Variants in SIPA1L2 observed in about 807,000 individuals in gnomAD.
The protein encoded by SIPA1L2 is signal induced proliferation associated 1 like 2, also known as signal-induced proliferation-associated 1-like protein 2.
Under a neutral mutation model 163.9 loss-of-function variants are expected in SIPA1L2, and 56 were observed. That is an observed-to-expected ratio of 0.34 (90% CI 0.28 to 0.43). The LOEUF (loss-of-function observed/expected upper bound fraction) is 0.43. Ranked by LOEUF, SIPA1L2 falls within the 20% of genes least tolerant of loss-of-function variation. SIPA1L2 has a pLI of 1.00. For missense variants in SIPA1L2, 1,974 were observed against 2,193.5 expected, an observed-to-expected ratio of 0.90 and a Z score of 2.00; for synonymous variants, 877 against 865.7, an observed-to-expected ratio of 1.01 and a Z score of -0.23.
intron 10 of SIPA1L2, among the ~76,000 whole-genome samples, chr1:232,450,029 TAA>T (rs1246683569): frequency 1.3e-5 from 2 of 151,948 alleles, no homozygotes; most frequent in African/African-American, 4.8e-5. Flanking sequence ...ATGGTAGCGT[TAA>T]TAGAGTAGAG....
chr1:232,445,340 C>T lies in SIPA1L2; in HGVS notation c.3353+189G>A, dbSNP rs527772519. Among the ~76,000 whole-genome samples, 8 of 152,272 alleles carry T rather than the reference C, an allele frequency of 5.3e-5. No individual in the cohort carries two copies. In the South Asian group the frequency reaches 1.7e-3, roughly 32 times the overall value. The stretch of plus-strand genomic sequence containing the variant: ...GGCAGAACCTGCATTTTACCAGCAC[C>T]ATCTTGGGGCCAGGAGAGTGCCCGA... On this transcript the variant is annotated intron_variant, in intron 11 of 22. Transcript: ENST00000674635.
chr1:232,581,557 CCTTT>C (rs1168512934), intron 1 of SIPA1L2, among the ~76,000 whole-genome samples: 6 of 152,286 alleles, frequency 3.9e-5, no homozygotes, highest in South Asian at 2.1e-4. Context: ...TTGAGCTATG[CCTTT>C]CTTTTTTTGC....
chr1:232,409,552 T>C (rs1319898617), intron 19 of SIPA1L2, among the ~76,000 whole-genome samples: 3 of 152,232 alleles, frequency 2.0e-5, no homozygotes, highest in East Asian at 3.9e-4. Context: ...GTGAATATAA[T>C]GTTCTGGGAC....
At chr1:232,484,021 T>C in intron 5 of SIPA1L2, 55 bp from the exon 6 acceptor site, 3 of 1,511,772 alleles carry the variant, frequency 2.0e-6, no homozygotes, top group South Asian at 2.5e-5. Flanking sequence ...CAAGCTAACT[T>C]CCAGTAAAAT....
At chr1:232,508,714 A>C (rs891159071) in intron 3 of SIPA1L2, among the ~76,000 whole-genome samples, 1 of 152,242 alleles carries the variant, frequency 6.6e-6, no homozygotes, top group African/African-American at 2.4e-5. Flanking sequence ...AAACGGCACC[A>C]ATGTGTCTTC....
At position 232,398,099 on chromosome 1, in the gene SIPA1L2, C is replaced by T. The variant is rs1360846450; in HGVS notation, c.*1028G>A. On this transcript the variant is annotated 3_prime_UTR_variant, in exon 23 of 23. Transcript: ENST00000674635. ...GCATCCAGTCGTTAGAATCTCTCAC[C>T]CTGCTTCTCGGTCTGATCTGTGCAA... The T allele has an allele frequency of 6.6e-6, 1 of 152,580 alleles. No homozygotes were observed. The highest frequency in any genetic ancestry group is 1.5e-5 in the Non-Finnish European group (1 of 68,028). The allele number at this position is 152,580 out of a possible 1,614,324, so 9.5% of individuals were successfully genotyped here. A position where few individuals can be genotyped will look rare whatever the true frequency, so the allele number is the denominator to read the frequency against.
intron 3 of SIPA1L2, among the ~76,000 whole-genome samples, chr1:232,509,547 C>T (rs1666885387): frequency 6.6e-6 from 1 of 152,146 alleles, no homozygotes; most frequent in Non-Finnish European, 1.5e-5. Flanking sequence ...TCTGCCCAGG[C>T]CCTCTGTTTT....
At chr1:232,623,601 CTG>C (rs987932951) in intron 1 of SIPA1L2, among the ~76,000 whole-genome samples, 3 of 152,206 alleles carry the variant, frequency 2.0e-5, no homozygotes, top group African/African-American at 7.2e-5. Flanking sequence ...GTGCGAGACT[CTG>C]TCTCAAAAAA....
chr1:232,537,052 A>G (rs1311971063), intron 2 of SIPA1L2, among the ~76,000 whole-genome samples: 6 of 152,166 alleles, frequency 3.9e-5, no homozygotes, highest in Non-Finnish European at 8.8e-5. Flanking sequence ...CCTAGGCAAC[A>G]TGGTGAAACC....
rs1014043701 is a variant in SIPA1L2, at chr1:232,474,083, G to A, written c.2086-2555C>T. 3.9e-5 allele frequency among the ~76,000 whole-genome samples: 6 copies of A among 152,126 alleles called. No homozygotes were observed. In the South Asian group the frequency reaches 1.2e-3, roughly 31 times the overall value. On this transcript the variant is annotated intron_variant, in intron 7 of 22. Transcript: ENST00000674635. ...CTATACAATCAGAGTCTGTGAATGG[G>A]GAAAAGGGATGGCAAACCACAAACG...
chr1:232,442,022 C>T (rs993350693), intron 12 of SIPA1L2, among the ~76,000 whole-genome samples, 154 bp from the exon 13 acceptor site: 2 of 152,102 alleles, frequency 1.3e-5, no homozygotes, highest in African/African-American at 4.8e-5. Context: ...GTCAGCTCAG[C>T]CCCGCCAGAG....
intron 2 of SIPA1L2, among the ~76,000 whole-genome samples, chr1:232,546,400 T>C (rs1424989963): frequency 3.3e-5 from 5 of 152,190 alleles, no homozygotes; most frequent in Non-Finnish European, 7.3e-5. Context: ...CCACTCCTCT[T>C]TAGTAAGAGT....
intron 7 of SIPA1L2, among the ~76,000 whole-genome samples, chr1:232,475,569 A>AT (rs1665006255): frequency 6.6e-6 from 1 of 152,214 alleles, no homozygotes; most frequent in African/African-American, 2.4e-5. Context: ...ACCTTACCAC[A>AT]TAAATACAAA....
intron 1 of SIPA1L2, among the ~76,000 whole-genome samples, chr1:232,602,474 G>A (rs1558297884): frequency 6.6e-6 from 1 of 152,098 alleles, no homozygotes; most frequent in Non-Finnish European, 1.5e-5. Flanking sequence ...GGGATTACAG[G>A]TGCACGCCAC....
chr1:232,556,847 T>C (rs561999377), intron 2 of SIPA1L2, among the ~76,000 whole-genome samples: 1 of 152,264 alleles, frequency 6.6e-6, no homozygotes, highest in South Asian at 2.1e-4. Context: ...GCTCATTTAA[T>C]TTCCCTCTAT....
rs764504415 is a variant in SIPA1L2, at chr1:232,415,628, A to G, written c.4631-3T>C. 1 of 1,613,876 alleles carries G rather than the reference A, an allele frequency of 6.2e-7. No individual in the cohort carries two copies. Among genetic ancestry groups the G allele is most frequent in the Non-Finnish European group, 8.5e-7 (1 of 1,179,910 alleles). ...CCCATCGGAGAACCAGAACTCATCTAAACAGAAACAAAACCAGAGAGTCAG... is the reference window on the plus strand; with the variant it reads ...CCCATCGGAGAACCAGAACTCATCTGAACAGAAACAAAACCAGAGAGTCAG... On this transcript the variant is annotated splice_polypyrimidine_tract_variant and splice_region_variant and intron_variant, in intron 18 of 22. Transcript: ENST00000674635.
intron 10 of SIPA1L2, among the ~76,000 whole-genome samples, chr1:232,450,784 T>C (rs973813179): frequency 1.1e-4 from 17 of 152,222 alleles, no homozygotes; most frequent in Non-Finnish European, 1.8e-4. Flanking sequence ...CTGTAGTCTT[T>C]ATAAGACACT....
chr1:232,615,165 G>T (rs183272801), intron 1 of SIPA1L2, among the ~76,000 whole-genome samples: 1 of 152,332 alleles, frequency 6.6e-6, no homozygotes, highest in African/African-American at 2.4e-5. Flanking sequence ...CCCAAGAATG[G>T]TGGCCACACT....
Position 232,415,533 on chromosome 1 carries a change from C to A in SIPA1L2, c.4723G>T (p.Asp1575Tyr). 6.2e-7 allele frequency: 1 copy of A among 1,613,760 alleles called. No individual in the cohort carries two copies. The highest frequency in any genetic ancestry group is 2.2e-5 in the East Asian group (1 of 44,850). The change falls in exon 19 of 23, where the codon GAT becomes TAT. Residue 1575 changes from aspartate to tyrosine, a missense_variant. Physicochemically the swap from Asp to Tyr is radical, Grantham distance 160. Transcript: ENST00000674635. ...GCAGCATCCACGAGGTGGGTCCAATCTAACCCTGTGGCTGTGTCCGGGAGG... is the reference window on the plus strand; with the variant it reads ...GCAGCATCCACGAGGTGGGTCCAATATAACCCTGTGGCTGTGTCCGGGAGG... ...MPLPDTATGL[D>Y]WTHLVDAARA...
Sources: allele counts gnomAD v4.1 joint callset (sites outside exome capture counted in the v4.1 genomes callset), GRCh38; gene constraint gnomAD v4.1.1; transcripts MANE v1.5; gene names NCBI Gene and HGNC (gene_info 2026-07-23, HGNC 2026-07-21).